TENM2: variants seen among roughly 807,000 people sequenced by gnomAD.
The protein encoded by TENM2 is teneurin transmembrane protein 2.
In TENM2, 52 loss-of-function variants were observed where a neutral mutation model predicts 245.2. That is an observed-to-expected ratio of 0.21 (90% CI 0.17 to 0.27). TENM2 has a LOEUF of 0.27. TENM2 is among the 10% of genes least tolerant of loss of function. TENM2 has a pLI of 1.00. For synonymous variants in TENM2, 1,363 were observed against 1,438.9 expected, an observed-to-expected ratio of 0.95 and a Z score of 1.19; for missense variants, 3,046 against 3,666.8, an observed-to-expected ratio of 0.83 and a Z score of 4.37.
chr5:167,947,708 A>C (rs1471569912), intron 3 of TENM2, among the ~76,000 whole-genome samples: 1 of 152,200 alleles, frequency 6.6e-6, no homozygotes, highest in Non-Finnish European at 1.5e-5. Context: ...ATTGAGATGT[A>C]ACTTGCCCTA....
At chr5:167,184,661 C>G in the TENM2 span, among the ~76,000 whole-genome samples, 3 of 152,152 alleles carry the variant, frequency 2.0e-5, no homozygotes, top group African/African-American at 7.2e-5. Context: ...CATTCCTATG[C>G]TGACCTACCC....
the TENM2 span, among the ~76,000 whole-genome samples, chr5:167,160,525 A>G: frequency 5.3e-5 from 8 of 152,290 alleles, no homozygotes; most frequent in African/African-American, 1.9e-4. Flanking sequence ...CGGCCTCTGC[A>G]TTTGCTTTTT....
At chr5:167,073,996 C>T in the TENM2 span, among the ~76,000 whole-genome samples, 6 of 152,154 alleles carry the variant, frequency 3.9e-5, no homozygotes, top group Non-Finnish European at 8.8e-5. Flanking sequence ...CCATTTTCCC[C>T]TGGTCCTCTG....
the TENM2 span, among the ~76,000 whole-genome samples, chr5:167,131,905 C>A: frequency 6.6e-6 from 1 of 152,164 alleles, no homozygotes; most frequent in Non-Finnish European, 1.5e-5. Context: ...TCACTGCAAC[C>A]TCCACCTCCC....
At chr5:167,428,008 A>G (rs1169038280) in intron 2 of TENM2, among the ~76,000 whole-genome samples, 3 of 152,216 alleles carry the variant, frequency 2.0e-5, no homozygotes, top group African/African-American at 4.8e-5. Context: ...TGGTTTCAGT[A>G]TCTGGTATTC....
chr5:167,992,551 C>T (rs1783744873), intron 4 of TENM2, among the ~76,000 whole-genome samples: 1 of 152,036 alleles, frequency 6.6e-6, no homozygotes, highest in Non-Finnish European at 1.5e-5. Flanking sequence ...CACGAGTATA[C>T]CTATATAACA....
At chr5:167,701,615 T>C (rs1758149693) in intron 2 of TENM2, among the ~76,000 whole-genome samples, 1 of 152,144 alleles carries the variant, frequency 6.6e-6, no homozygotes, top group African/African-American at 2.4e-5. Flanking sequence ...GTGTCTTACT[T>C]GAAAAATAGG....
At chr5:167,150,300 A>G in the TENM2 span, among the ~76,000 whole-genome samples, 1 of 152,156 alleles carries the variant, frequency 6.6e-6, no homozygotes, top group Non-Finnish European at 1.5e-5. Flanking sequence ...GGTGAAATTT[A>G]ATTTCTGCTT....
rs544353281 is a variant in TENM2 at position 167,971,491 on chromosome 5, A to G, written c.947+18669A>G. 9.9e-5 allele frequency among the ~76,000 whole-genome samples: 15 copies of G among 152,268 alleles called. 1 individual carries two copies. The highest frequency in any genetic ancestry group is 3.6e-4 in the African/African-American group (15 of 41,578). On this transcript the variant is annotated intron_variant, in intron 4 of 28. Coordinates refer to ENST00000518659, the Ensembl canonical transcript of TENM2. ...CGAGGCAGGTGGATCACTTGAGGTCAGGAGTTCAAGACCAGCCTGACGAAC... is the reference window on the plus strand; with the variant it reads ...CGAGGCAGGTGGATCACTTGAGGTCGGGAGTTCAAGACCAGCCTGACGAAC...
chr5:167,047,924 TAG>T, the TENM2 span, among the ~76,000 whole-genome samples: 1 of 149,804 alleles, frequency 6.7e-6, no homozygotes, highest in South Asian at 2.1e-4. Context: ...GCTTCATCAC[TAG>T]AGAGAGACAG....
rs1232220235 is a variant in TENM2, at chr5:168,218,085, T to C, written c.4234-40T>C. ...GCCGTACGGTTAAACGTTGGACATA[T>C]TAAAGGCTGTTCTTTAATCTGATAC... On this transcript the variant is annotated intron_variant, in intron 22 of 28. Transcript: ENST00000518659. This position sits in a 1 kb window ranked among gnomAD's most constrained non-coding sequence, Gnocchi z 5.2. The C allele has an allele frequency of 1.9e-6, 3 of 1,589,852 alleles. No homozygotes were observed. Among genetic ancestry groups the C allele is most frequent in the South Asian group, 1.1e-5 (1 of 88,070 alleles).
intron 7 of TENM2, among the ~76,000 whole-genome samples, chr5:168,080,627 T>G (rs1356662871): frequency 6.6e-6 from 1 of 152,248 alleles, no homozygotes; most frequent in East Asian, 1.9e-4. Context: ...TCTGGTATGT[T>G]GTGTCTTTGT....
the TENM2 span, among the ~76,000 whole-genome samples, chr5:167,242,046 G>GTTTTTTTTT: frequency 7.6e-6 from 1 of 131,500 alleles, no homozygotes; most frequent in Non-Finnish European, 1.6e-5. Context: ...TTTGTTTTTT[G>GTTTTTTTTT]TTTTTTTTTT....
chr5:167,373,176 A>T (rs190252926), intron 1 of TENM2, among the ~76,000 whole-genome samples: 1 of 152,346 alleles, frequency 6.6e-6, no homozygotes, highest in Admixed American at 6.5e-5. Context: ...TTACACAACC[A>T]AATTAGGCTG....
chr5:168,130,963 ATG>A (rs1245729631), intron 12 of TENM2, among the ~76,000 whole-genome samples: 2 of 152,216 alleles, frequency 1.3e-5, no homozygotes, highest in East Asian at 3.8e-4. Context: ...GAACTATAGA[ATG>A]TGTGTAATAA....
At chr5:167,095,234 A>C in the TENM2 span, among the ~76,000 whole-genome samples, 42 of 152,326 alleles carry the variant, frequency 2.8e-4, no homozygotes, top group African/African-American at 9.4e-4. Flanking sequence ...CAGGGTGTTC[A>C]GATAGTAATT....
At chr5:167,403,164 TA>T (rs1341055334) in intron 2 of TENM2, among the ~76,000 whole-genome samples, 1 of 130,886 alleles carries the variant, frequency 7.6e-6, no homozygotes, top group African/African-American at 3.3e-5. Context: ...TGATAGTTAT[TA>T]TTTTTTTTAA....
intron 3 of TENM2, among the ~76,000 whole-genome samples, chr5:167,937,170 A>G (rs1207526870): frequency 6.6e-6 from 1 of 152,218 alleles, no homozygotes; most frequent in Non-Finnish European, 1.5e-5. Flanking sequence ...TTTCAACAAT[A>G]CAATACTTTG....
At chr5:167,065,157 T>C in the TENM2 span, among the ~76,000 whole-genome samples, 1 of 152,160 alleles carries the variant, frequency 6.6e-6, no homozygotes, top group Non-Finnish European at 1.5e-5. Context: ...GAAATTGATT[T>C]TGAATGTGTA....
Sources: gnomAD v4.1 joint callset for allele counts (sites outside exome capture counted in the v4.1 genomes callset) on GRCh38, gnomAD v4.1.1 for gene constraint, Gnocchi (gnomAD v3.1) non-coding constraint, MANE v1.5 for transcripts, NCBI Gene and HGNC (gene_info 2026-07-23, HGNC 2026-07-21) for gene names.